GPHN: variants seen among roughly 807,000 people sequenced by gnomAD.
GPHN encodes the protein gephyrin.
GPHN carries 17 observed loss-of-function variants against 95.5 expected under a neutral mutation model. That is an observed-to-expected ratio of 0.18 (90% CI 0.12 to 0.27). GPHN has a LOEUF of 0.27. Among genes scored for constraint, GPHN ranks in the 10% least tolerant of loss-of-function variants. The pLI is 1.00. For missense variants in GPHN, 660 were observed against 978.1 expected (o/e 0.67, Z 4.34); for synonymous variants, 320 against 322.5 (o/e 0.99, Z 0.08).
At position 66,651,712 on chromosome 14, in the gene GPHN, G is replaced by T. The variant is rs539516026; in HGVS notation, c.65-29395G>T. Among the ~76,000 whole-genome samples the T allele has an allele frequency of 2.0e-5, 3 of 152,204 alleles. No homozygotes were observed. The South Asian group carries it at 6.2e-4, about 32-fold the overall frequency. ...TTGCCACAAAAGCACTAAAAAGCCT[G>T]CTTCCATTGCCAACATCCTGTCTTT... On this transcript the variant is annotated intron_variant, in intron 1 of 22. Coordinates refer to ENST00000478722, the MANE Select transcript of GPHN (RefSeq NM_020806.5).
the GPHN span, among the ~76,000 whole-genome samples, chr14:67,529,480 A>G: frequency 6.6e-6 from 1 of 152,230 alleles, no homozygotes; most frequent in Non-Finnish European, 1.5e-5. Flanking sequence ...AACTGAATGA[A>G]TAAATGAAAG....
the GPHN span, chr14:67,577,877 C>T: frequency 1.5e-6 from 1 of 662,402 alleles, no homozygotes; most frequent in Non-Finnish European, 2.5e-6. Context: ...AGCAGAGATG[C>T]CCTCCAACAG....
the GPHN span, chr14:67,332,671 AGAAGGAAAGCTAT>A: frequency 0.035 from 39,923 of 1,131,454 alleles, 749 homozygotes; most frequent in Middle Eastern, 0.058. Context: ...TGGGAGAGAC[AGAAGGAAAGCTAT>A]GAAGGTCGCT....
chr14:66,865,834 A>G (rs1369850201), intron 4 of GPHN, among the ~76,000 whole-genome samples: 1 of 152,194 alleles, frequency 6.6e-6, no homozygotes. Context: ...AAATTTTTAA[A>G]TAATTTTTGT....
the GPHN span, among the ~76,000 whole-genome samples, chr14:67,373,229 G>A: frequency 6.6e-6 from 1 of 152,174 alleles, no homozygotes; most frequent in African/African-American, 2.4e-5. Flanking sequence ...GGCTTCAGGG[G>A]TGATGGAACT....
chr14:66,703,091 G>A (rs973552448), intron 2 of GPHN, among the ~76,000 whole-genome samples: 1 of 152,190 alleles, frequency 6.6e-6, no homozygotes, highest in African/African-American at 2.4e-5. Context: ...CAAGAGTAGA[G>A]ATAAAAGAAT....
chr14:67,165,081 G>T, intron 19 of GPHN, 81 bp from the exon 20 acceptor site: 1 of 941,010 alleles, frequency 1.1e-6, no homozygotes, highest in Non-Finnish European at 1.8e-6. Context: ...TAAGTGTATG[G>T]ATTACAAAAA....
intron 1 of GPHN, among the ~76,000 whole-genome samples, chr14:66,659,042 G>T (rs2153372323): frequency 6.6e-6 from 1 of 151,590 alleles, no homozygotes; most frequent in East Asian, 1.9e-4. Context: ...ATTGATTTGA[G>T]ACTTTTACTG....
chr14:67,470,837 C>T, the GPHN span: 1 of 152,560 alleles, frequency 6.6e-6, no homozygotes, highest in African/African-American at 2.4e-5. Context: ...GGAGAGAGGC[C>T]CAGGACACCA....
rs566777265 is a variant in GPHN at position 66,984,411 on chromosome 14, G to A, written c.963+19086G>A. ...TGTTCCACTAAGAATAGTAAGAATT[G>A]GTGATTATCTTTTGGCCATAACATT... is the stretch of plus-strand genomic sequence containing the variant. On this transcript the variant is annotated intron_variant, in intron 9 of 22. Transcript: ENST00000478722. 3.3e-5 allele frequency among the ~76,000 whole-genome samples: 5 copies of A among 152,256 alleles called. 1 individual carries two copies. Among genetic ancestry groups the A allele is most frequent in the African/African-American group, 1.2e-4 (5 of 41,576 alleles).
the GPHN span, among the ~76,000 whole-genome samples, chr14:67,449,400 G>A: frequency 6.6e-6 from 1 of 152,118 alleles, no homozygotes. Flanking sequence ...ACTCGGGAGG[G>A]CCTGGGAAAG....
chr14:67,201,793 G>GT, the GPHN span: 1 of 261,358 alleles, frequency 3.8e-6, no homozygotes, highest in African/African-American at 2.3e-5. Context: ...TTTCAATGAT[G>GT]TATTTTTTAA....
chr14:67,244,902 T>C, the GPHN span, among the ~76,000 whole-genome samples: 2 of 152,142 alleles, frequency 1.3e-5, no homozygotes, highest in African/African-American at 4.8e-5. Context: ...ATTATTCAGG[T>C]GGTCCCAGTG....
At chr14:66,913,801 T>C (rs2065786743) in intron 5 of GPHN, among the ~76,000 whole-genome samples, 1 of 152,190 alleles carries the variant, frequency 6.6e-6, no homozygotes, top group African/African-American at 2.4e-5. Context: ...TCTTTAGCTA[T>C]TTGATAAATA....
the GPHN span, among the ~76,000 whole-genome samples, chr14:67,292,093 T>C: frequency 6.6e-6 from 1 of 152,180 alleles, no homozygotes; most frequent in African/African-American, 2.4e-5. Context: ...AGCCATGTAA[T>C]AGAATATAAT....
intron 2 of GPHN, among the ~76,000 whole-genome samples, chr14:66,751,683 C>T (rs2058369568): frequency 1.3e-5 from 2 of 152,050 alleles, no homozygotes; most frequent in African/African-American, 4.8e-5. Context: ...TGTGCAGAAA[C>T]TCTCCATTTG....
chr14:67,010,366 C>T (rs532301939), intron 9 of GPHN, among the ~76,000 whole-genome samples: 3 of 151,136 alleles, frequency 2.0e-5, no homozygotes, highest in South Asian at 2.1e-4. Flanking sequence ...CTGGCCAACA[C>T]GGTGAAACCC....
the GPHN span, chr14:67,569,010 T>A: frequency 3.3e-6 from 2 of 609,216 alleles, no homozygotes; most frequent in Non-Finnish European, 5.8e-6. Flanking sequence ...TGCCCAAGAT[T>A]TGTTAGCCAG....
At chr14:67,346,164 G>T in the GPHN span, among the ~76,000 whole-genome samples, 1 of 152,160 alleles carries the variant, frequency 6.6e-6, no homozygotes, top group East Asian at 1.9e-4. Context: ...CATACTGCCT[G>T]ATGCCCAGAG....
Sources: allele counts gnomAD v4.1 joint callset (sites outside exome capture counted in the v4.1 genomes callset), GRCh38; gene constraint gnomAD v4.1.1; transcripts MANE v1.5; gene names NCBI Gene and HGNC (gene_info 2026-07-23, HGNC 2026-07-21).